Variants in MAP2K6 observed in about 807,000 individuals in gnomAD.
MAP2K6 encodes the protein mitogen-activated protein kinase kinase 6.
Under a neutral mutation model 53.7 loss-of-function variants are expected in MAP2K6, and 16 were observed. The observed-to-expected ratio is 0.30, with a 90% CI of 0.20 to 0.45. MAP2K6 has a LOEUF of 0.45. Ranked by LOEUF, MAP2K6 falls within the 20% of genes least tolerant of loss-of-function variation. MAP2K6 has a pLI of 1.00. For missense variants in MAP2K6, 204 were observed against 411.9 expected (o/e 0.50, Z 4.37); for synonymous variants, 132 against 143.1 (o/e 0.92, Z 0.55).
chr17:69,483,983 T>A (rs1465738887), intron 1 of MAP2K6, among the ~76,000 whole-genome samples: 4 of 152,104 alleles, frequency 2.6e-5, no homozygotes, highest in African/African-American at 9.7e-5. Flanking sequence ...AAACATGTAA[T>A]ACTCTTAGAA....
intron 1 of MAP2K6, among the ~76,000 whole-genome samples, chr17:69,417,178 T>C (rs1262093641): frequency 6.6e-6 from 1 of 152,230 alleles, no homozygotes; most frequent in Admixed American, 6.5e-5. Flanking sequence ...GCCAGCCGCC[T>C]TGGCCTGGAC....
At chr17:69,461,350 C>T (rs542843499) in intron 1 of MAP2K6, among the ~76,000 whole-genome samples, 105 of 152,286 alleles carry the variant, frequency 6.9e-4, no homozygotes, top group African/African-American at 2.3e-3. Context: ...GCCAGCAGCA[C>T]GTGGTCCCGA....
intron 11 of MAP2K6, 113 bp downstream of exon 11, chr17:69,536,273 C>A (rs1410609785): frequency 6.6e-6 from 5 of 754,216 alleles, no homozygotes; most frequent in Non-Finnish European, 1.1e-5. Flanking sequence ...TTCATTGATA[C>A]ATCAGTGACA....
At chr17:69,523,719 A>G (rs1910612836) in intron 8 of MAP2K6, 78 bp downstream of exon 8, 5 of 1,569,280 alleles carry the variant, frequency 3.2e-6, no homozygotes, top group Admixed American at 1.7e-5. Flanking sequence ...ATGGATGGCC[A>G]CAGAGGGAAA....
At chr17:69,515,097 C>G (rs543064187) in intron 2 of MAP2K6, among the ~76,000 whole-genome samples, 2 of 151,752 alleles carry the variant, frequency 1.3e-5, no homozygotes, top group African/African-American at 4.8e-5. Flanking sequence ...AGGATTCTTT[C>G]GTCTTTAGCC....
intron 1 of MAP2K6, among the ~76,000 whole-genome samples, chr17:69,485,861 C>A (rs1439875554): frequency 3.3e-5 from 5 of 152,136 alleles, no homozygotes; most frequent in Non-Finnish European, 7.4e-5. Flanking sequence ...GCTCAAATTT[C>A]CCATCATTTT....
intron 10 of MAP2K6, among the ~76,000 whole-genome samples, chr17:69,529,671 C>A (rs1039412659): frequency 6.6e-6 from 1 of 151,592 alleles, no homozygotes. Flanking sequence ...CCACCACGCC[C>A]GGCTAATTTT....
At chr17:69,493,356 G>A (rs1445393084) in intron 1 of MAP2K6, among the ~76,000 whole-genome samples, 2 of 152,024 alleles carry the variant, frequency 1.3e-5, no homozygotes, top group Non-Finnish European at 2.9e-5. Flanking sequence ...AAGGGGCAAT[G>A]CCTTCTTTTA....
Position 69,418,763 on chromosome 17 carries a change from A to G in MAP2K6, c.16+3763A>G, listed in dbSNP as rs148115066. ...CATACCAGTTCCTACATTATCATGC[A>G]TACTATGCCCTTAGATTAAATTCCA... On this transcript the variant is annotated intron_variant, in intron 1 of 11. Transcript: ENST00000590474. Among the ~76,000 whole-genome samples, 20 of 152,262 alleles carry G rather than the reference A, an allele frequency of 1.3e-4. No individual in the cohort carries two copies. The East Asian group carries it at 3.5e-3, about 26-fold the overall frequency.
At position 69,475,111 on chromosome 17, in the gene MAP2K6, G is replaced by A. The variant is rs374675262; in HGVS notation, c.17-30669G>A. 6.6e-5 allele frequency among the ~76,000 whole-genome samples: 10 copies of A among 150,654 alleles called. No individual in the cohort carries two copies. In the East Asian group the frequency reaches 9.8e-4, roughly 15 times the overall value. ...AAACACTTGTATTTTCTGAATTAGG[G>A]TTTAAGTTCCTGGAAACCTCTTGTT... is the stretch of plus-strand genomic sequence containing the variant. On this transcript the variant is annotated intron_variant, in intron 1 of 11. Transcript: ENST00000590474.
At position 69,414,951 on chromosome 17, in the gene MAP2K6, T is replaced by G. The variant is rs1191385961; in HGVS notation, c.-34T>G. On this transcript the variant is annotated 5_prime_UTR_variant, in exon 1 of 12. Coordinates refer to ENST00000590474, the MANE Select transcript of MAP2K6 (RefSeq NM_002758.4). ...AGAAGAGAAGCAAGGCAAAGTCTTTTGTGCTCCCCTCCCCCATCAAAGGAA... is the reference window on the plus strand; with the variant it reads ...AGAAGAGAAGCAAGGCAAAGTCTTTGGTGCTCCCCTCCCCCATCAAAGGAA... 7.2e-6 allele frequency: 11 copies of G among 1,537,206 alleles called. No individual in the cohort carries two copies. Among genetic ancestry groups the G allele is most frequent in the Non-Finnish European group, 9.9e-6 (11 of 1,110,816 alleles).
chr17:69,448,964 G>A (rs367988486), intron 1 of MAP2K6, among the ~76,000 whole-genome samples: 2 of 152,350 alleles, frequency 1.3e-5, no homozygotes, highest in South Asian at 4.1e-4. Flanking sequence ...CATGTGTGGC[G>A]TGCCAAGGTT....
intron 1 of MAP2K6, among the ~76,000 whole-genome samples, chr17:69,491,166 C>A (rs1056301934): frequency 2.1e-5 from 3 of 141,446 alleles, no homozygotes; most frequent in African/African-American, 8.9e-5. Flanking sequence ...TTTTTTTTGA[C>A]GGAGTCTCAC....
intron 1 of MAP2K6, among the ~76,000 whole-genome samples, chr17:69,436,244 T>A (rs817565): frequency 1.3e-5 from 2 of 151,986 alleles, no homozygotes; most frequent in East Asian, 3.9e-4. Flanking sequence ...TTTGATTTAC[T>A]TGATCCAAAG....
At chr17:69,426,862 GT>G (rs370420994) in intron 1 of MAP2K6, among the ~76,000 whole-genome samples, 43 of 151,778 alleles carry the variant, frequency 2.8e-4, no homozygotes, top group African/African-American at 1.0e-3. Flanking sequence ...CCTTACTTGT[GT>G]TTTCTAAGAA....
intron 1 of MAP2K6, among the ~76,000 whole-genome samples, chr17:69,465,151 A>G (rs1907753303): frequency 6.6e-6 from 1 of 150,568 alleles, no homozygotes; most frequent in Non-Finnish European, 1.5e-5. Context: ...AGCCACCTGG[A>G]CTCATTTAAG....
intron 11 of MAP2K6, among the ~76,000 whole-genome samples, chr17:69,540,957 C>G (rs990472543): frequency 2.6e-5 from 4 of 152,146 alleles, no homozygotes; most frequent in African/African-American, 7.2e-5. Flanking sequence ...CATCTTTTTC[C>G]TGAGAAATAA....
At chr17:69,481,176 A>G (rs956799894) in intron 1 of MAP2K6, among the ~76,000 whole-genome samples, 7 of 152,082 alleles carry the variant, frequency 4.6e-5, no homozygotes, top group Non-Finnish European at 1.0e-4. Flanking sequence ...CCTAGTAGCC[A>G]TCACTTTACT....
rs141741512 is a variant in MAP2K6 at position 69,528,276 on chromosome 17, G to A, written c.881+1567G>A. On this transcript the variant is annotated intron_variant, in intron 10 of 11. Coordinates refer to ENST00000590474, the MANE Select transcript of MAP2K6 (RefSeq NM_002758.4). ...CTTTTCCCTGATGATGTATGAGGCT[G>A]GTCTGCAGTTGTTTGTTTTTGTTTT... Among the ~76,000 whole-genome samples, 363 of 152,234 alleles carry A rather than the reference G, an allele frequency of 2.4e-3. 2 individuals carry two copies. The highest frequency in any genetic ancestry group is 8.4e-3 in the African/African-American group (348 of 41,532).
Sources: allele counts gnomAD v4.1 joint callset (sites outside exome capture counted in the v4.1 genomes callset), GRCh38; gene constraint gnomAD v4.1.1; transcripts MANE v1.5; gene names NCBI Gene and HGNC (gene_info 2026-07-23, HGNC 2026-07-21).